The following RNF125 variants were observed in gnomAD, a reference collection of about 807,000 sequenced individuals.
The protein encoded by RNF125 is E3 ubiquitin-protein ligase RNF125.
In RNF125, 21 loss-of-function variants were observed where a neutral mutation model predicts 26.0. The observed-to-expected ratio is 0.81, with a 90% CI of 0.57 to 1.16. The LOEUF is 1.16. Among genes scored for constraint, RNF125 ranks in the 50% most tolerant of loss-of-function variants. The pLI is 0.00. For missense variants in RNF125, 270 were observed against 299.4 expected (o/e 0.90, Z 0.72); for synonymous variants, 95 against 109.2 (o/e 0.87, Z 0.81).
intron 1 of RNF125, among the ~76,000 whole-genome samples, chr18:32,026,016 C>G (rs148058867): frequency 1.3e-5 from 2 of 150,888 alleles, no homozygotes; most frequent in Non-Finnish European, 2.9e-5. Context: ...AGAATATCAG[C>G]TATTAATTAA....
At chr18:32,032,347 G>A (rs2039105545) in intron 1 of RNF125, among the ~76,000 whole-genome samples, 1 of 151,690 alleles carries the variant, frequency 6.6e-6, no homozygotes, top group African/African-American at 2.4e-5. Context: ...CAAAGTGTTA[G>A]GTTTACAGGC....
intron 1 of RNF125, 34 bp downstream of exon 1, chr18:32,019,061 C>G: frequency 6.2e-7 from 1 of 1,603,438 alleles, no homozygotes; most frequent in Non-Finnish European, 8.5e-7. Flanking sequence ...TGCGCCCACC[C>G]CTAAGGAGGG....
downstream of RNF125, among the ~76,000 whole-genome samples, chr18:32,074,767 T>G (rs762474775): frequency 2.6e-5 from 4 of 152,184 alleles, no homozygotes; most frequent in Non-Finnish European, 4.4e-5. Context: ...GGTCTCGAAC[T>G]CCTGACCTCA....
At chr18:32,020,677 G>A (rs1008433856) in intron 1 of RNF125, among the ~76,000 whole-genome samples, 37 of 151,854 alleles carry the variant, frequency 2.4e-4, no homozygotes, top group African/African-American at 8.7e-4. Flanking sequence ...GGGAAGCCGA[G>A]GTGGATGGAT....
At chr18:32,056,668 A>G (rs552530701) in intron 4 of RNF125, among the ~76,000 whole-genome samples, 2 of 151,422 alleles carry the variant, frequency 1.3e-5, no homozygotes, top group South Asian at 2.1e-4. Flanking sequence ...AGATAATAAC[A>G]TTAAACAATA....
the RNF125 span, among the ~76,000 whole-genome samples, chr18:32,086,548 T>C: frequency 6.6e-6 from 1 of 151,462 alleles, no homozygotes; most frequent in South Asian, 2.1e-4. Context: ...AAGATGGAGT[T>C]TTGCTCTTGT....
the RNF125 span, among the ~76,000 whole-genome samples, chr18:32,083,455 T>A: frequency 6.6e-6 from 1 of 152,228 alleles, no homozygotes. Flanking sequence ...GGCTTATATG[T>A]GGGCTGGAGG....
chr18:32,023,158 A>C (rs1301385759), intron 1 of RNF125, among the ~76,000 whole-genome samples: 1 of 151,498 alleles, frequency 6.6e-6, no homozygotes, highest in African/African-American at 2.4e-5. Context: ...TTTTTCACTT[A>C]TTTGTTTATT....
chr18:32,051,459 A>T (rs1054061796), intron 4 of RNF125, among the ~76,000 whole-genome samples: 7 of 151,868 alleles, frequency 4.6e-5, no homozygotes, highest in African/African-American at 1.4e-4. Flanking sequence ...TCTACTAAAA[A>T]TGCAAAAATT....
intron 1 of RNF125, among the ~76,000 whole-genome samples, chr18:32,029,928 G>A (rs2039075862): frequency 6.6e-6 from 1 of 152,168 alleles, no homozygotes; most frequent in Non-Finnish European, 1.5e-5. Flanking sequence ...GGTTGAGAAT[G>A]GGCTGAAGAG....
the RNF125 span, among the ~76,000 whole-genome samples, chr18:32,089,272 G>T: frequency 6.6e-6 from 1 of 152,128 alleles, no homozygotes; most frequent in Non-Finnish European, 1.5e-5. Context: ...CGGCAAAAAT[G>T]CAAAAGAGAA....
intron 1 of RNF125, among the ~76,000 whole-genome samples, chr18:32,025,413 C>A (rs2144433375): frequency 6.6e-6 from 1 of 150,816 alleles, no homozygotes; most frequent in East Asian, 2.0e-4. Context: ...CCTGTAATCC[C>A]AGCATTTTGG....
At chr18:32,057,032 T>TA (rs1337353417) in intron 4 of RNF125, among the ~76,000 whole-genome samples, 1 of 152,158 alleles carries the variant, frequency 6.6e-6, no homozygotes, top group East Asian at 1.9e-4. Context: ...ATAAGTAACT[T>TA]ACTGTGTGAG....
chr18:32,062,253 C>G (rs1443184392), intron 4 of RNF125, among the ~76,000 whole-genome samples: 1 of 152,196 alleles, frequency 6.6e-6, no homozygotes, highest in Non-Finnish European at 1.5e-5. Flanking sequence ...AAGTGCGGAA[C>G]ACGTAGTAGG....
chr18:32,089,544 T>C, the RNF125 span, among the ~76,000 whole-genome samples: 2 of 152,246 alleles, frequency 1.3e-5, no homozygotes, highest in Non-Finnish European at 2.9e-5. Flanking sequence ...TGAGTAAATC[T>C]ATGACATTCT....
chr18:32,043,258 T>G (rs769381336), intron 3 of RNF125, among the ~76,000 whole-genome samples: 7 of 152,364 alleles, frequency 4.6e-5, no homozygotes, highest in South Asian at 2.1e-4. Flanking sequence ...CCAAATAAAG[T>G]GATCTGTGCT....
intron 4 of RNF125, among the ~76,000 whole-genome samples, chr18:32,049,412 C>T (rs1423175499): frequency 6.6e-6 from 1 of 152,114 alleles, no homozygotes; most frequent in Non-Finnish European, 1.5e-5. Context: ...ATGAATCAGG[C>T]ATATAATAAA....
At chr18:32,040,623 A>G (rs1476511398) in intron 2 of RNF125, among the ~76,000 whole-genome samples, 1 of 152,124 alleles carries the variant, frequency 6.6e-6, no homozygotes, top group South Asian at 2.1e-4. Flanking sequence ...TTCTTCTGTT[A>G]GATTGTAAGC....
the RNF125 span, among the ~76,000 whole-genome samples, chr18:32,080,892 T>A: frequency 6.6e-6 from 1 of 150,608 alleles, no homozygotes; most frequent in Non-Finnish European, 1.5e-5. Context: ...GCAAAAAAAA[T>A]AGGGTCAGAA....
Sources: allele counts gnomAD v4.1 joint callset (sites outside exome capture counted in the v4.1 genomes callset), GRCh38; gene constraint gnomAD v4.1.1; transcripts MANE v1.5; gene names NCBI Gene and HGNC (gene_info 2026-07-23, HGNC 2026-07-21).